TENM4: variants seen among roughly 807,000 people sequenced by gnomAD.
TENM4 encodes teneurin-4.
A neutral mutation model predicts 243.3 loss-of-function variants in TENM4; 82 were observed. The observed-to-expected ratio is 0.34, with a 90% CI of 0.28 to 0.40. The LOEUF is 0.40. TENM4 is among the 10% of genes least tolerant of loss of function. The pLI, the probability that TENM4 is intolerant of heterozygous loss-of-function variation, is 1.00. For synonymous variants in TENM4, 1,412 were observed against 1,456.3 expected (o/e 0.97, Z 0.69); for missense variants, 3,138 against 3,673.3 (o/e 0.85, Z 3.77).
At chr11:78,806,829 C>G (rs1857399667) in intron 14 of TENM4, among the ~76,000 whole-genome samples, 1 of 152,216 alleles carries the variant, frequency 6.6e-6, no homozygotes, top group African/African-American at 2.4e-5. Context: ...AACTGAAACT[C>G]TGCACCCATT....
chr11:79,234,575 A>G (rs1039426568), intron 2 of TENM4, among the ~76,000 whole-genome samples: 2 of 152,196 alleles, frequency 1.3e-5, no homozygotes, highest in East Asian at 1.9e-4. Context: ...GGGTGAGGGC[A>G]AGGAAATGCT....
intron 2 of TENM4, among the ~76,000 whole-genome samples, chr11:79,247,988 C>A (rs1855549016): frequency 6.6e-6 from 1 of 152,204 alleles, no homozygotes; most frequent in African/African-American, 2.4e-5. Flanking sequence ...GAAGCCCTGT[C>A]TACCCTGATG....
At chr11:79,216,870 C>A (rs962723923) in intron 2 of TENM4, among the ~76,000 whole-genome samples, 6 of 152,148 alleles carry the variant, frequency 3.9e-5, no homozygotes, top group African/African-American at 1.4e-4. Context: ...GGCACTTGAT[C>A]TGTGGAATGG....
chr11:79,402,135 G>A (rs1011722800), intron 1 of TENM4: 11 of 342,332 alleles, frequency 3.2e-5, no homozygotes, highest in South Asian at 4.8e-5. Context: ...GCAGTCCCTC[G>A]CCAACCATGG....
At chr11:79,361,295 A>G (rs573373688) in intron 1 of TENM4, among the ~76,000 whole-genome samples, 1 of 152,234 alleles carries the variant, frequency 6.6e-6, no homozygotes, top group African/African-American at 2.4e-5. Flanking sequence ...TGTCAGATTC[A>G]TGATTTTAGA....
intron 6 of TENM4, among the ~76,000 whole-genome samples, chr11:79,052,595 T>C (rs757078553): frequency 1.3e-5 from 2 of 152,124 alleles, no homozygotes; most frequent in Non-Finnish European, 2.9e-5. Context: ...GTAGAGTTTA[T>C]GAGTAAAAAG....
chr11:79,140,607 T>G (rs2135028362), intron 4 of TENM4, among the ~76,000 whole-genome samples: 1 of 152,244 alleles, frequency 6.6e-6, no homozygotes, highest in Middle Eastern at 3.4e-3. Flanking sequence ...ATCTTGTTCT[T>G]GTACTCTGGA....
chr11:78,896,583 C>G (rs1855802832), intron 7 of TENM4, among the ~76,000 whole-genome samples: 1 of 152,076 alleles, frequency 6.6e-6, no homozygotes, highest in South Asian at 2.1e-4. Context: ...CAAGAGACTC[C>G]CTGTGCTCCC....
At chr11:78,744,916 C>A (rs912982249) in intron 19 of TENM4, among the ~76,000 whole-genome samples, 11 of 152,176 alleles carry the variant, frequency 7.2e-5, no homozygotes, top group African/African-American at 2.7e-4. Flanking sequence ...TGAAAATAAT[C>A]ATTTCTAACC....
At chr11:79,425,158 T>A (rs1859022165) in intron 1 of TENM4, among the ~76,000 whole-genome samples, 2 of 152,186 alleles carry the variant, frequency 1.3e-5, no homozygotes, top group South Asian at 4.1e-4. Flanking sequence ...AGGCCCTTAC[T>A]GATTGGATTA....
At chr11:78,785,251 A>T (rs561017698) in intron 16 of TENM4, among the ~76,000 whole-genome samples, 9 of 152,116 alleles carry the variant, frequency 5.9e-5, no homozygotes, top group African/African-American at 2.2e-4. Flanking sequence ...GGAGGATGAC[A>T]CCGATATAAA....
intron 4 of TENM4, among the ~76,000 whole-genome samples, chr11:79,085,237 T>C (rs548339783): frequency 9.3e-5 from 14 of 149,930 alleles, no homozygotes; most frequent in African/African-American, 3.4e-4. Context: ...ATTAGCGGGG[T>C]GTGGTGGCGG....
intron 6 of TENM4, among the ~76,000 whole-genome samples, chr11:79,018,128 G>T (rs1397712384): frequency 6.6e-6 from 1 of 152,144 alleles, no homozygotes; most frequent in African/African-American, 2.4e-5. Context: ...TTGCCCAACT[G>T]AATGCAAGGA....
At chr11:79,178,212 T>C (rs1380233772) in intron 3 of TENM4, among the ~76,000 whole-genome samples, 1 of 152,090 alleles carries the variant, frequency 6.6e-6, no homozygotes, top group Non-Finnish European at 1.5e-5. Flanking sequence ...GAAGAGCAGG[T>C]TGGCAAGCAG....
At chr11:78,677,885 C>G (rs1374352152) in intron 29 of TENM4, among the ~76,000 whole-genome samples, 1 of 132,972 alleles carries the variant, frequency 7.5e-6, no homozygotes, top group African/African-American at 2.8e-5. Flanking sequence ...AATGTGTCAT[C>G]TAGCATTAGG....
intron 16 of TENM4, among the ~76,000 whole-genome samples, chr11:78,786,551 T>C (rs1043483725): frequency 2.0e-5 from 3 of 152,242 alleles, no homozygotes; most frequent in Non-Finnish European, 4.4e-5. Context: ...TGACGGGGCT[T>C]GCCCATAGCT....
chr11:78,778,348 G>A (rs1180503160), intron 17 of TENM4, among the ~76,000 whole-genome samples: 1 of 151,408 alleles, frequency 6.6e-6, no homozygotes, highest in Non-Finnish European at 1.5e-5. Context: ...AAAAACAAAA[G>A]TACAATGGTA....
chr11:78,728,714 A>G (rs528638159), intron 22 of TENM4, among the ~76,000 whole-genome samples: 2 of 152,102 alleles, frequency 1.3e-5, no homozygotes, highest in Non-Finnish European at 2.9e-5. Context: ...GTTACTCTTA[A>G]GTGCTTGGTG....
At chr11:79,334,455 T>C (rs1428235847) in intron 1 of TENM4, among the ~76,000 whole-genome samples, 1 of 152,144 alleles carries the variant, frequency 6.6e-6, no homozygotes, top group Non-Finnish European at 1.5e-5. Context: ...GACCCACCAT[T>C]TCTCTATTCC....
Sources: gnomAD v4.1 joint callset for allele counts (sites outside exome capture counted in the v4.1 genomes callset) on GRCh38, gnomAD v4.1.1 for gene constraint, MANE v1.5 for transcripts, NCBI Gene and HGNC (gene_info 2026-07-23, HGNC 2026-07-21) for gene names.